ATF7: variants seen among roughly 807,000 people sequenced by gnomAD.
The protein encoded by ATF7 is activating transcription factor 7, also known as cyclic AMP-dependent transcription factor ATF-7.
Under a neutral mutation model 50.4 loss-of-function variants are expected in ATF7, and 10 were observed. That is an observed-to-expected ratio of 0.20 (90% CI 0.12 to 0.34). The LOEUF is 0.34. Among genes scored for constraint, ATF7 ranks in the 10% least tolerant of loss-of-function variants. The pLI is 1.00. For synonymous variants in ATF7, 201 were observed against 226.4 expected, an observed-to-expected ratio of 0.89 and a Z score of 1.01; for missense variants, 465 against 613.9, an observed-to-expected ratio of 0.76 and a Z score of 2.56.
intron 3 of ATF7, among the ~76,000 whole-genome samples, chr12:53,551,828 C>A (rs543532228): frequency 2.0e-5 from 3 of 152,160 alleles, no homozygotes; most frequent in Non-Finnish European, 4.4e-5. Flanking sequence ...TAAATCAGAA[C>A]CTCTCATGGA....
chr12:53,556,345 T>C (rs950928477), intron 2 of ATF7, among the ~76,000 whole-genome samples: 5 of 152,210 alleles, frequency 3.3e-5, no homozygotes, highest in East Asian at 3.8e-4. Flanking sequence ...CCCTAGCACA[T>C]TGGGATGCCG....
At chr12:53,617,118 G>C (rs1470682591) in intron 1 of ATF7, among the ~76,000 whole-genome samples, 1 of 152,138 alleles carries the variant, frequency 6.6e-6, no homozygotes, top group African/African-American at 2.4e-5. Flanking sequence ...TGCTTCCTGA[G>C]CTGAAGCAAT....
Position 53,552,657 on chromosome 12 carries a change from G to T in ATF7, c.49-20C>A. The stretch of plus-strand genomic sequence containing the variant: ...AAATCTCTGAAACGAAACAGAAATG[G>T]AGATATGAAAAAACAAAAACAAAAA... On this transcript the variant is annotated intron_variant, in intron 2 of 11. Transcript: ENST00000420353. 1 of 1,600,138 alleles carries T rather than the reference G, an allele frequency of 6.2e-7. No homozygotes were observed. Among genetic ancestry groups the T allele is most frequent in the Non-Finnish European group, 8.6e-7 (1 of 1,167,550 alleles).
Position 53,556,189 on chromosome 12 carries a change from G to A in ATF7, c.49-3552C>T, listed in dbSNP as rs547431562. On this transcript the variant is annotated intron_variant, in intron 2 of 11. Transcript: ENST00000420353. ...CTGTAAGTTTTCAAAATGTACTTAC[G>A]ATGTTGGCCAGTGCAGTGGCCCGGC... is the stretch of plus-strand genomic sequence containing the variant. Among the ~76,000 whole-genome samples the A allele has an allele frequency of 1.8e-3, 279 of 152,322 alleles. 2 individuals carry two copies. Among genetic ancestry groups the A allele is most frequent in the South Asian group, 3.5e-3 (17 of 4,832 alleles).
intron 2 of ATF7, among the ~76,000 whole-genome samples, chr12:53,595,119 G>A (rs1943100774): frequency 6.6e-6 from 1 of 152,202 alleles, no homozygotes; most frequent in Non-Finnish European, 1.5e-5. Context: ...ATGGGAACTA[G>A]ATGAATTATT....
intron 1 of ATF7, among the ~76,000 whole-genome samples, chr12:53,613,807 G>A (rs961005345): frequency 7.3e-6 from 1 of 136,814 alleles, no homozygotes; most frequent in African/African-American, 2.8e-5. Context: ...AATTACAGGT[G>A]TGAGCCACTA....
At chr12:53,623,096 C>T (rs1256724200) in intron 1 of ATF7, among the ~76,000 whole-genome samples, 1 of 152,158 alleles carries the variant, frequency 6.6e-6, no homozygotes, top group Non-Finnish European at 1.5e-5. Context: ...TTTATTGTGG[C>T]TTCAGATAAC....
At chr12:53,509,659 C>T (rs1386545656), downstream of ATF7, among the ~76,000 whole-genome samples, 2 of 152,122 alleles carry the variant, frequency 1.3e-5, no homozygotes, top group Non-Finnish European at 2.9e-5. Flanking sequence ...GCACACACCA[C>T]TATGCCCGGC....
At chr12:53,594,538 C>T (rs1477965673) in intron 2 of ATF7, among the ~76,000 whole-genome samples, 1 of 152,150 alleles carries the variant, frequency 6.6e-6, no homozygotes, top group African/African-American at 2.4e-5. Context: ...AGTATCAGAT[C>T]TGACATTAAG....
chr12:53,577,517 C>T (rs1268961657), intron 2 of ATF7, among the ~76,000 whole-genome samples: 2 of 151,608 alleles, frequency 1.3e-5, no homozygotes, highest in South Asian at 4.1e-4. Flanking sequence ...GAGATCGAGA[C>T]CATCTTGGCT....
chr12:53,591,762 T>G (rs1942945762), intron 2 of ATF7, among the ~76,000 whole-genome samples: 1 of 152,196 alleles, frequency 6.6e-6, no homozygotes, highest in South Asian at 2.1e-4. Flanking sequence ...ATAACATAAA[T>G]GGCTCTTTGA....
intron 2 of ATF7, among the ~76,000 whole-genome samples, chr12:53,585,729 T>C (rs1057331048): frequency 7.2e-5 from 11 of 151,806 alleles, no homozygotes; most frequent in African/African-American, 2.7e-4. Context: ...AGACACTGAT[T>C]TTTCTATCAC....
chr12:53,551,024 T>C (rs953758506), intron 3 of ATF7, among the ~76,000 whole-genome samples: 3 of 152,238 alleles, frequency 2.0e-5, no homozygotes, highest in Non-Finnish European at 4.4e-5. Flanking sequence ...TATTAACTCA[T>C]TTAGTATTCA....
At chr12:53,508,297 C>T (rs1276261505), downstream of ATF7, 2 of 150,652 alleles carry the variant, frequency 1.3e-5, no homozygotes, top group African/African-American at 4.9e-5. Flanking sequence ...TGCAGTGCCT[C>T]ACACCTGTAA....
At chr12:53,544,965 C>T (rs1464418237) in intron 3 of ATF7, among the ~76,000 whole-genome samples, 1 of 152,192 alleles carries the variant, frequency 6.6e-6, no homozygotes, top group Non-Finnish European at 1.5e-5. Context: ...AAGCCACTTT[C>T]CCTCCATCCC....
At chr12:53,610,593 A>G (rs1943826190) in intron 1 of ATF7, among the ~76,000 whole-genome samples, 1 of 151,784 alleles carries the variant, frequency 6.6e-6, no homozygotes, top group African/African-American at 2.4e-5. Flanking sequence ...AGGTACAAGA[A>G]TGGACACCAC....
chr12:53,587,843 A>ATATATATATATTT, intron 2 of ATF7, among the ~76,000 whole-genome samples: 48 of 61,556 alleles, frequency 7.8e-4, no homozygotes, highest in Admixed American at 1.4e-3. Flanking sequence ...ATATATATAT[A>ATATATATATATTT]TTTTTTTTTT....
intron 1 of ATF7, among the ~76,000 whole-genome samples, chr12:53,616,658 C>T (rs1181725542): frequency 2.0e-5 from 3 of 151,786 alleles, no homozygotes; most frequent in Non-Finnish European, 2.9e-5. Flanking sequence ...TGAGAAAAGG[C>T]GTGGCCGGGT....
At chr12:53,610,328 G>A (rs1354051714) in intron 1 of ATF7, among the ~76,000 whole-genome samples, 3 of 151,872 alleles carry the variant, frequency 2.0e-5, no homozygotes, top group South Asian at 2.1e-4. Flanking sequence ...ACTTTGGGAC[G>A]ACGAGGCAGG....
Sources: gnomAD v4.1 joint callset for allele counts (sites outside exome capture counted in the v4.1 genomes callset) on GRCh38, gnomAD v4.1.1 for gene constraint, MANE v1.5 for transcripts, NCBI Gene and HGNC (gene_info 2026-07-23, HGNC 2026-07-21) for gene names.